AIG1: variants seen among roughly 807,000 people sequenced by gnomAD.
AIG1 encodes androgen-induced gene 1 protein.
AIG1 carries 23 observed loss-of-function variants against 31.4 expected under a neutral mutation model. The ratio of observed to expected loss-of-function variants is 0.73; its 90% CI spans 0.53 to 1.04. The LOEUF (loss-of-function observed/expected upper bound fraction) is 1.04, where lower values mean the gene tolerates loss of function less well. Among genes scored for constraint, AIG1 ranks in the 50% least tolerant of loss-of-function variants. The probability of loss-of-function intolerance (pLI) is 0.00; values close to 1 mark genes in which losing one functional copy is unlikely to be tolerated. For missense variants in AIG1, 274 were observed against 295.0 expected, an observed-to-expected ratio of 0.93 and a Z score of 0.52; for synonymous variants, 100 against 110.5, an observed-to-expected ratio of 0.90 and a Z score of 0.60.
chr6:143,215,884 T>G (rs377163120), intron 3 of AIG1, among the ~76,000 whole-genome samples: 1 of 152,142 alleles, frequency 6.6e-6, no homozygotes, highest in South Asian at 2.1e-4. Flanking sequence ...GTCCATACAG[T>G]CTCAGACACA....
At chr6:143,165,357 A>G (rs1786822617) in intron 3 of AIG1, among the ~76,000 whole-genome samples, 174 bp downstream of exon 3, 1 of 152,220 alleles carries the variant, frequency 6.6e-6, no homozygotes, top group Admixed American at 6.5e-5. Context: ...ATAAATAGAA[A>G]CTTCTTCCCA....
At chr6:143,145,187 G>A (rs1224518411) in intron 2 of AIG1, among the ~76,000 whole-genome samples, 1 of 152,064 alleles carries the variant, frequency 6.6e-6, no homozygotes, top group African/African-American at 2.4e-5. Flanking sequence ...ACCATGCGTG[G>A]CTAATTTTTG....
At chr6:143,240,986 G>A (rs1488158744) in intron 3 of AIG1, among the ~76,000 whole-genome samples, 1 of 152,018 alleles carries the variant, frequency 6.6e-6, no homozygotes, top group African/African-American at 2.4e-5. Flanking sequence ...TTGTGGAGAA[G>A]TTCTCAGATT....
rs940366007 is a variant in AIG1 at position 143,101,473 on chromosome 6, T to A, written c.142-35362T>A. ...AAGGAGAGGAAGATAGGATTAAGGG[T>A]CTAGATTCCTTCAGTGAATGGTGGC... On this transcript the variant is annotated intron_variant, in intron 1 of 5. Transcript: ENST00000357847. Among the ~76,000 whole-genome samples the A allele has an allele frequency of 2.0e-5, 3 of 151,896 alleles. No individual in the cohort carries two copies. The East Asian group carries it at 5.8e-4, about 29-fold the overall frequency.
intron 3 of AIG1, among the ~76,000 whole-genome samples, chr6:143,178,135 G>A (rs1439806955): frequency 1.3e-5 from 2 of 152,178 alleles, no homozygotes; most frequent in African/African-American, 4.8e-5. Flanking sequence ...TCCGTGGGCA[G>A]CCTTCCCACT....
At chr6:143,080,271 A>G (rs986174827) in intron 1 of AIG1, among the ~76,000 whole-genome samples, 7 of 152,154 alleles carry the variant, frequency 4.6e-5, no homozygotes, top group African/African-American at 1.7e-4. Context: ...TGTCATCAAC[A>G]TTGGAGCATG....
At chr6:143,232,901 C>T (rs955822373) in intron 3 of AIG1, among the ~76,000 whole-genome samples, 2 of 152,182 alleles carry the variant, frequency 1.3e-5, no homozygotes, top group Admixed American at 1.3e-4. Context: ...TGGACATAGA[C>T]ACTTAAAGCG....
chr6:143,172,876 A>G (rs1417010818), intron 3 of AIG1, among the ~76,000 whole-genome samples: 1 of 152,104 alleles, frequency 6.6e-6, no homozygotes, highest in African/African-American at 2.4e-5. Flanking sequence ...GTAGCCTTGA[A>G]TGATCGTTTG....
At chr6:143,067,403 A>G (rs1050025302) in intron 1 of AIG1, among the ~76,000 whole-genome samples, 7 of 152,172 alleles carry the variant, frequency 4.6e-5, no homozygotes, top group African/African-American at 7.2e-5. Context: ...AATTTCAGAA[A>G]ACCAGAGAGA....
intron 1 of AIG1, among the ~76,000 whole-genome samples, chr6:143,125,446 G>A (rs1270745864): frequency 1.3e-5 from 2 of 152,104 alleles, no homozygotes; most frequent in African/African-American, 2.4e-5. Context: ...AAAAATCAAT[G>A]GTATATTTAA....
At position 143,249,786 on chromosome 6, in the gene AIG1, A is replaced by G. The variant is rs189364047; in HGVS notation, c.400-34324A>G. Reference sequence around the variant, plus strand: ...TTTGCTGATGCCCTATGTGTGTTTCATATGTAAAGCCTCTAAAAGAAAGAA... The same window carrying G: ...TTTGCTGATGCCCTATGTGTGTTTCGTATGTAAAGCCTCTAAAAGAAAGAA... On this transcript the variant is annotated intron_variant, in intron 3 of 5. Transcript: ENST00000357847. Among the ~76,000 whole-genome samples the G allele has an allele frequency of 5.3e-5, 8 of 152,152 alleles. No individual in the cohort carries two copies. The East Asian group carries it at 1.5e-3, about 29-fold the overall frequency.
chr6:143,138,646 C>G (rs1783970182), intron 2 of AIG1, among the ~76,000 whole-genome samples: 2 of 152,092 alleles, frequency 1.3e-5, no homozygotes, highest in African/African-American at 4.8e-5. Flanking sequence ...GTAATCCCAG[C>G]ACTTTGGGAG....
chr6:143,081,303 G>A (rs192112722), intron 1 of AIG1, among the ~76,000 whole-genome samples: 8 of 152,156 alleles, frequency 5.3e-5, no homozygotes, highest in Non-Finnish European at 8.8e-5. Context: ...TACTCCCTGC[G>A]TTACTGCAGC....
intron 2 of AIG1, among the ~76,000 whole-genome samples, chr6:143,156,831 A>G (rs144788112): frequency 1.1e-3 from 161 of 152,330 alleles, no homozygotes; most frequent in African/African-American, 3.8e-3. Context: ...TGCGTTAGCC[A>G]GTCATTGGGT....
intron 3 of AIG1, among the ~76,000 whole-genome samples, chr6:143,250,519 C>A (rs952888509): frequency 6.6e-6 from 1 of 152,218 alleles, no homozygotes; most frequent in Middle Eastern, 3.4e-3. Flanking sequence ...CATAAAGGCA[C>A]AATTAAGTTC....
chr6:143,267,244 G>A (rs897062738), intron 3 of AIG1, among the ~76,000 whole-genome samples: 5 of 152,150 alleles, frequency 3.3e-5, no homozygotes, highest in African/African-American at 1.2e-4. Flanking sequence ...CGTTGGAGAA[G>A]GGCTTGTTAG....
chr6:143,160,735 G>A (rs1347868868), intron 2 of AIG1, among the ~76,000 whole-genome samples: 3 of 152,164 alleles, frequency 2.0e-5, no homozygotes, highest in African/African-American at 4.8e-5. Context: ...TATACTATCA[G>A]GAGGATATCA....
In AIG1 at chr6:143,327,339, C is replaced by A; in HGVS notation, c.516-5943C>A. ...ACTCTGCCATCAACAAGGTGGTGACCTCGTTGATGATACACCATCAACATT... is the reference window on the plus strand; with the variant it reads ...ACTCTGCCATCAACAAGGTGGTGACATCGTTGATGATACACCATCAACATT... On this transcript the variant is annotated intron_variant, in intron 4 of 5. Coordinates refer to ENST00000357847, the MANE Select transcript of AIG1 (RefSeq NM_016108.4). This position sits in a 1 kb window ranked among gnomAD's most constrained non-coding sequence, Gnocchi z 5.3. 1 of 241,450 alleles carries A rather than the reference C, an allele frequency of 4.1e-6. No homozygotes were observed. Among genetic ancestry groups the A allele is most frequent in the South Asian group, 5.9e-5 (1 of 17,094 alleles). The allele number at this position is 241,450 out of a possible 1,614,324, so 15.0% of individuals were successfully genotyped here.
chr6:143,319,125 G>A lies in AIG1; in HGVS notation c.516-14157G>A, dbSNP rs6913810. Among the ~76,000 whole-genome samples, 914 of 152,202 alleles carry A rather than the reference G, an allele frequency of 6.0e-3. 10 individuals carry two copies. The highest frequency in any genetic ancestry group is 0.021 in the African/African-American group (869 of 41,532). ...TTTGATCCAGCAGTCCCACTACTGG[G>A]TATCTACCCAGAGGAAAATAAGTCA... On this transcript the variant is annotated intron_variant, in intron 4 of 5. Coordinates refer to ENST00000357847, the MANE Select transcript of AIG1 (RefSeq NM_016108.4).
Sources: gnomAD v4.1 joint callset for allele counts (sites outside exome capture counted in the v4.1 genomes callset) on GRCh38, gnomAD v4.1.1 for gene constraint, Gnocchi (gnomAD v3.1) non-coding constraint, MANE v1.5 for transcripts, NCBI Gene and HGNC (gene_info 2026-07-23, HGNC 2026-07-21) for gene names.